NAALADL2: variants seen among roughly 807,000 people sequenced by gnomAD.
The protein encoded by NAALADL2 is inactive N-acetylated-alpha-linked acidic dipeptidase-like protein 2.
In NAALADL2, 76 loss-of-function variants were observed where a neutral mutation model predicts 87.2. The ratio of observed to expected loss-of-function variants is 0.87; its 90% confidence interval spans 0.72 to 1.05. The LOEUF (loss-of-function observed/expected upper bound fraction) is 1.05, where lower values mean the gene tolerates loss of function less well. NAALADL2 is among the 50% of genes least tolerant of loss of function. The pLI is 0.00. For missense variants in NAALADL2, 1,089 were observed against 945.8 expected (o/e 1.15, Z -1.99); for synonymous variants, 354 against 331.0 (o/e 1.07, Z -0.75).
intron 12 of NAALADL2, among the ~76,000 whole-genome samples, chr3:175,747,789 A>C (rs1746122234): frequency 6.6e-6 from 1 of 152,190 alleles, no homozygotes; most frequent in Admixed American, 6.5e-5. Context: ...GTTTTTGCTC[A>C]TATTTCCCAA....
At chr3:175,068,766 A>G (rs1463269529) in intron 1 of NAALADL2, among the ~76,000 whole-genome samples, 1 of 152,148 alleles carries the variant, frequency 6.6e-6, no homozygotes, top group Non-Finnish European at 1.5e-5. Flanking sequence ...TGGTCGAGTT[A>G]TATTTTAACT....
intron 9 of NAALADL2, among the ~76,000 whole-genome samples, chr3:175,528,175 A>G (rs1196568568): frequency 6.6e-6 from 1 of 152,126 alleles, no homozygotes; most frequent in Non-Finnish European, 1.5e-5. Flanking sequence ...ATACATGTAT[A>G]TATATATAAA....
At chr3:175,030,780 C>A (rs988641813) in intron 1 of NAALADL2, among the ~76,000 whole-genome samples, 1 of 152,008 alleles carries the variant, frequency 6.6e-6, no homozygotes, top group African/African-American at 2.4e-5. Flanking sequence ...TTACTATTAG[C>A]AAGCTCTTGT....
intron 2 of NAALADL2, among the ~76,000 whole-genome samples, chr3:174,594,093 T>C (rs983307161): frequency 3.7e-5 from 5 of 134,938 alleles, no homozygotes; most frequent in Non-Finnish European, 7.6e-5. Context: ...TGAGGAATTT[T>C]TTTTCTTTAG....
intron 13 of NAALADL2, among the ~76,000 whole-genome samples, chr3:175,787,066 T>C (rs3119998): frequency 0.35 from 53,087 of 149,906 alleles, 13,148 homozygotes; most frequent in African/African-American, 0.7. Flanking sequence ...GCAGTCTGCC[T>C]GTTCTCAGAT....
At chr3:174,703,469 C>T (rs2108889325) in intron 2 of NAALADL2, among the ~76,000 whole-genome samples, 1 of 152,172 alleles carries the variant, frequency 6.6e-6, no homozygotes, top group Admixed American at 6.5e-5. Context: ...TGACTAGTTT[C>T]CTGGGAATCA....
chr3:175,032,803 T>G (rs1752953789), intron 1 of NAALADL2, among the ~76,000 whole-genome samples: 1 of 152,112 alleles, frequency 6.6e-6, no homozygotes, highest in Non-Finnish European at 1.5e-5. Context: ...TGTAGTTTAA[T>G]TGTGTCATCA....
intron 1 of NAALADL2, among the ~76,000 whole-genome samples, chr3:174,918,516 G>A (rs1734717321): frequency 6.6e-6 from 1 of 152,166 alleles, no homozygotes; most frequent in Non-Finnish European, 1.5e-5. Context: ...TCTGTACTCA[G>A]TTTTGTGGAT....
At chr3:175,569,587 A>C (rs914363912) in intron 9 of NAALADL2, among the ~76,000 whole-genome samples, 3 of 152,132 alleles carry the variant, frequency 2.0e-5, no homozygotes, top group African/African-American at 7.2e-5. Flanking sequence ...GAATGAAATT[A>C]ATGCCCTTAT....
chr3:174,449,794 T>C (rs927693229), intron 1 of NAALADL2, among the ~76,000 whole-genome samples: 7 of 152,182 alleles, frequency 4.6e-5, no homozygotes, highest in African/African-American at 1.7e-4. Flanking sequence ...TAGCCACTTT[T>C]TCATTAGTCC....
chr3:175,085,261 GTTAACTTAC>G (rs1165354340), intron 1 of NAALADL2, among the ~76,000 whole-genome samples: 2 of 152,098 alleles, frequency 1.3e-5, no homozygotes, highest in Non-Finnish European at 2.9e-5. Flanking sequence ...TCGTTCTGAT[GTTAACTTAC>G]TTAATATAAA....
intron 11 of NAALADL2, among the ~76,000 whole-genome samples, chr3:175,733,476 C>T (rs1744066867): frequency 6.6e-6 from 1 of 152,224 alleles, no homozygotes; most frequent in Admixed American, 6.5e-5. Context: ...ATTCAATCAT[C>T]TCCTACTGGG....
intron 2 of NAALADL2, among the ~76,000 whole-genome samples, chr3:174,617,692 A>C (rs1454298083): frequency 6.6e-6 from 1 of 151,754 alleles, no homozygotes; most frequent in East Asian, 1.9e-4. Context: ...TTCACTGAAG[A>C]GTTAAATGAA....
At chr3:175,565,091 G>A (rs1389605283) in intron 9 of NAALADL2, among the ~76,000 whole-genome samples, 1 of 152,166 alleles carries the variant, frequency 6.6e-6, no homozygotes, top group Non-Finnish European at 1.5e-5. Flanking sequence ...TATAAGTTGA[G>A]GAACTTATTC....
chr3:174,889,510 T>C (rs1297664974), intron 1 of NAALADL2, among the ~76,000 whole-genome samples: 1 of 152,126 alleles, frequency 6.6e-6, no homozygotes, highest in African/African-American at 2.4e-5. Context: ...CTGTCTGCCC[T>C]GTGTGTGCCC....
chr3:175,424,041 C>A (rs562008414), intron 5 of NAALADL2, among the ~76,000 whole-genome samples: 1 of 152,026 alleles, frequency 6.6e-6, no homozygotes, highest in Non-Finnish European at 1.5e-5. Flanking sequence ...TTTTCATGTG[C>A]CTTTTGGCTG....
At chr3:175,499,933 C>T (rs1376102472) in intron 9 of NAALADL2, among the ~76,000 whole-genome samples, 2 of 151,996 alleles carry the variant, frequency 1.3e-5, no homozygotes, top group African/African-American at 4.8e-5. Flanking sequence ...AGCTTTTGGC[C>T]TCTTTGGTTT....
chr3:175,748,028 A>G (rs372256901), intron 12 of NAALADL2, among the ~76,000 whole-genome samples: 2 of 152,182 alleles, frequency 1.3e-5, no homozygotes, highest in South Asian at 2.1e-4. Context: ...TAAAGTAACC[A>G]GTATAATCCA....
At chr3:174,703,128 TTTTAA>T (rs1671508817) in intron 2 of NAALADL2, among the ~76,000 whole-genome samples, 1 of 152,182 alleles carries the variant, frequency 6.6e-6, no homozygotes, top group African/African-American at 2.4e-5. Flanking sequence ...GCTTTTAATC[TTTTAA>T]TTTAATGTAA....
Sources: gnomAD v4.1 joint callset for allele counts (sites outside exome capture counted in the v4.1 genomes callset) on GRCh38, gnomAD v4.1.1 for gene constraint, MANE v1.5 for transcripts, NCBI Gene and HGNC (gene_info 2026-07-23, HGNC 2026-07-21) for gene names.